Variants in JAZF1 observed in about 807,000 individuals in gnomAD.
JAZF1 encodes the protein JAZF zinc finger 1.
A neutral mutation model predicts 26.4 loss-of-function variants in JAZF1; 8 were observed. That is an observed-to-expected ratio of 0.30 (90% CI 0.18 to 0.55). The LOEUF is 0.55. Ranked by LOEUF, JAZF1 falls within the 20% of genes least tolerant of loss-of-function variation. The pLI, the probability that JAZF1 is intolerant of heterozygous loss-of-function variation, is 0.94. For synonymous variants in JAZF1, 126 were observed against 122.3 expected, an observed-to-expected ratio of 1.03 and a Z score of -0.20; for missense variants, 199 against 322.0, an observed-to-expected ratio of 0.62 and a Z score of 2.92.
intron 2 of JAZF1, among the ~76,000 whole-genome samples, chr7:27,910,151 C>A (rs1427104187): frequency 1.3e-5 from 2 of 152,132 alleles, no homozygotes; most frequent in Non-Finnish European, 2.9e-5. Context: ...GTTATAATGT[C>A]AAATGGTATG....
At chr7:28,133,082 C>T (rs1197979148) in intron 1 of JAZF1, among the ~76,000 whole-genome samples, 2 of 152,216 alleles carry the variant, frequency 1.3e-5, no homozygotes, top group African/African-American at 4.8e-5. Context: ...ACCCTCCAAA[C>T]CTCTGACATG....
intron 1 of JAZF1, among the ~76,000 whole-genome samples, chr7:28,049,072 C>CCTCTCTCTCTCTCTCTCT (rs1182638919): frequency 4.7e-4 from 53 of 113,594 alleles, no homozygotes; most frequent in African/African-American, 1.9e-3. Context: ...TCCCTCCCTT[C>CCTCTCTCTCTCTCTCTCT]CTCTCTCTCT....
intron 1 of JAZF1, among the ~76,000 whole-genome samples, chr7:28,138,228 G>A (rs1230983777): frequency 6.6e-6 from 1 of 152,172 alleles, no homozygotes; most frequent in East Asian, 1.9e-4. Context: ...CCTGATGCTG[G>A]TAGAAGTCAC....
chr7:27,946,194 T>A (rs1159998982), intron 2 of JAZF1, among the ~76,000 whole-genome samples: 1 of 152,216 alleles, frequency 6.6e-6, no homozygotes, highest in Non-Finnish European at 1.5e-5. Flanking sequence ...GATGGGTTTA[T>A]CAGGACATAA....
chr7:28,011,771 C>A (rs1001361926), intron 1 of JAZF1, among the ~76,000 whole-genome samples: 2 of 152,112 alleles, frequency 1.3e-5, no homozygotes, highest in African/African-American at 4.8e-5. Flanking sequence ...TAAACAAACC[C>A]CTCCAGCCTC....
At chr7:28,024,367 G>GA (rs898534319) in intron 1 of JAZF1, among the ~76,000 whole-genome samples, 15 of 152,014 alleles carry the variant, frequency 9.9e-5, no homozygotes, top group African/African-American at 3.4e-4. Context: ...CTAAGGGAGA[G>GA]AAAAAAACAT....
chr7:28,002,507 A>G (rs1013635755), intron 1 of JAZF1, among the ~76,000 whole-genome samples: 16 of 152,218 alleles, frequency 1.1e-4, no homozygotes, highest in Admixed American at 5.9e-4. Context: ...TTTTTCATCC[A>G]CAAGAAGTTG....
intron 1 of JAZF1, among the ~76,000 whole-genome samples, chr7:28,004,524 G>C (rs1782666722): frequency 6.6e-6 from 1 of 152,220 alleles, no homozygotes; most frequent in South Asian, 2.1e-4. Context: ...TAGAGAACTG[G>C]TTGGGAAAGT....
intron 1 of JAZF1, among the ~76,000 whole-genome samples, chr7:28,016,600 AG>A (rs1180622214): frequency 6.6e-6 from 1 of 152,076 alleles, no homozygotes. Context: ...CAACACTGAA[AG>A]CTTACTGGTT....
chr7:28,072,270 T>G (rs1236057944), intron 1 of JAZF1, among the ~76,000 whole-genome samples: 1 of 152,206 alleles, frequency 6.6e-6, no homozygotes, highest in Non-Finnish European at 1.5e-5. Flanking sequence ...AAAACTGACT[T>G]GAAACAAACT....
intron 3 of JAZF1, among the ~76,000 whole-genome samples, chr7:27,894,819 G>C: frequency 6.6e-6 from 1 of 152,136 alleles, no homozygotes; most frequent in East Asian, 1.9e-4. Context: ...ATTTCTCCAA[G>C]ACTGCTTAAT....
At chr7:28,035,340 A>AAAAAAAAAG (rs1562565710) in intron 1 of JAZF1, among the ~76,000 whole-genome samples, 8 of 145,410 alleles carry the variant, frequency 5.5e-5, no homozygotes, top group East Asian at 2.1e-4. Flanking sequence ...AAAAAAAAAA[A>AAAAAAAAAG]AAAGAAAGAA....
chr7:27,862,565 GA>G (rs1783404213), intron 3 of JAZF1, among the ~76,000 whole-genome samples: 1 of 152,210 alleles, frequency 6.6e-6, no homozygotes, highest in African/African-American at 2.4e-5. Flanking sequence ...TCTCCAAAGA[GA>G]GACCACGTAC....
At chr7:28,004,635 C>T (rs1019419889) in intron 1 of JAZF1, among the ~76,000 whole-genome samples, 4 of 151,974 alleles carry the variant, frequency 2.6e-5, no homozygotes, top group African/African-American at 7.3e-5. Flanking sequence ...TGTATAAGTC[C>T]GACATCCAGT....
intron 1 of JAZF1, among the ~76,000 whole-genome samples, chr7:27,999,204 A>G (rs1786083273): frequency 6.6e-6 from 1 of 152,214 alleles, no homozygotes; most frequent in Non-Finnish European, 1.5e-5. Flanking sequence ...AAATTCTTTC[A>G]AACTGGAGTA....
intron 1 of JAZF1, among the ~76,000 whole-genome samples, chr7:28,028,085 T>C (rs1325173036): frequency 6.6e-6 from 1 of 152,234 alleles, no homozygotes; most frequent in Non-Finnish European, 1.5e-5. Flanking sequence ...GGAACTGCTC[T>C]GCAAGGCTCT....
chr7:27,845,405 G>A (rs1235976734), intron 3 of JAZF1, among the ~76,000 whole-genome samples: 1 of 152,118 alleles, frequency 6.6e-6, no homozygotes, highest in Non-Finnish European at 1.5e-5. Context: ...TGTCTCAGAA[G>A]TTAGTGACTA....
chr7:27,851,996 G>T (rs1363715134), intron 3 of JAZF1, among the ~76,000 whole-genome samples: 1 of 150,898 alleles, frequency 6.6e-6, no homozygotes, highest in Non-Finnish European at 1.5e-5. Context: ...GATGCCTGGG[G>T]GTTCTGAGTT....
intron 2 of JAZF1, among the ~76,000 whole-genome samples, chr7:27,927,996 G>A (rs1163077164): frequency 2.0e-5 from 3 of 152,068 alleles, no homozygotes; most frequent in East Asian, 3.8e-4. Flanking sequence ...ATAACTTTAC[G>A]TCAACATGTT....
Sources: gnomAD v4.1 joint callset for allele counts (sites outside exome capture counted in the v4.1 genomes callset) on GRCh38, gnomAD v4.1.1 for gene constraint, MANE v1.5 for transcripts, NCBI Gene and HGNC (gene_info 2026-07-23, HGNC 2026-07-21) for gene names.